Variants in BTBD10 observed in about 807,000 individuals in gnomAD.
BTBD10 encodes BTB domain containing 10, also known as BTB/POZ domain-containing protein 10.
In BTBD10, 21 loss-of-function variants were observed where a neutral mutation model predicts 53.2. That is an observed-to-expected ratio of 0.39 (90% CI 0.28 to 0.57). The LOEUF (loss-of-function observed/expected upper bound fraction) is 0.57, where lower values mean the gene tolerates loss of function less well. Among genes scored for constraint, BTBD10 ranks in the 20% least tolerant of loss-of-function variants. The probability of loss-of-function intolerance (pLI) is 0.53; values close to 1 mark genes in which losing one functional copy is unlikely to be tolerated. For synonymous variants in BTBD10, 149 were observed against 192.7 expected, an observed-to-expected ratio of 0.77 and a Z score of 1.88; for missense variants, 360 against 594.7, an observed-to-expected ratio of 0.61 and a Z score of 4.10.
rs985719343 is a variant in BTBD10 at position 13,437,592 on chromosome 11, C to A, written c.101+7432G>T. On this transcript the variant is annotated intron_variant, in intron 2 of 8. Coordinates refer to ENST00000278174, the MANE Select transcript of BTBD10 (RefSeq NM_032320.7). ...ACTTATTGTTCCCCCACTTTACTCT[C>A]AAGGATATCAAAATGACTTTACCAA... is the stretch of plus-strand genomic sequence containing the variant. 3.3e-5 allele frequency among the ~76,000 whole-genome samples: 5 copies of A among 152,192 alleles called. No individual in the cohort carries two copies. In the East Asian group the frequency reaches 5.8e-4, roughly 18 times the overall value.
At chr11:13,398,845 T>C (rs1949632020) in intron 8 of BTBD10, among the ~76,000 whole-genome samples, 1 of 152,182 alleles carries the variant, frequency 6.6e-6, no homozygotes, top group Non-Finnish European at 1.5e-5. Context: ...GAAAATTCTT[T>C]TCTTTAAGAA....
At chr11:13,425,804 C>T (rs941395470) in intron 2 of BTBD10, among the ~76,000 whole-genome samples, 1 of 152,112 alleles carries the variant, frequency 6.6e-6, no homozygotes, top group Non-Finnish European at 1.5e-5. Context: ...GCTCACTACA[C>T]ACTGTATACA....
At chr11:13,399,334 C>T (rs1021949979) in intron 8 of BTBD10, among the ~76,000 whole-genome samples, 38 of 152,144 alleles carry the variant, frequency 2.5e-4, no homozygotes, top group African/African-American at 8.7e-4. Context: ...TCCAGTTGAT[C>T]GCATCGGCTA....
intron 2 of BTBD10, among the ~76,000 whole-genome samples, chr11:13,433,363 T>G (rs190540682): frequency 2.0e-5 from 3 of 152,218 alleles, no homozygotes; most frequent in Non-Finnish European, 4.4e-5. Context: ...TGTGTTTTTT[T>G]TCCACTGACA....
intron 1 of BTBD10, among the ~76,000 whole-genome samples, chr11:13,460,879 C>T (rs1046066245): frequency 6.6e-6 from 1 of 152,162 alleles, no homozygotes; most frequent in African/African-American, 2.4e-5. Context: ...GCTGCAAATA[C>T]AATAAAGAGC....
At position 13,422,444 on chromosome 11, in the gene BTBD10, T is replaced by C. The variant is rs140975528; in HGVS notation, c.102-606A>G. Among the ~76,000 whole-genome samples, 1,517 of 152,284 alleles carry C rather than the reference T, an allele frequency of 1.0e-2. 25 individuals are homozygous for C. Among genetic ancestry groups the C allele is most frequent in the Non-Finnish European group, 0.012 (820 of 68,010 alleles). On this transcript the variant is annotated intron_variant, in intron 2 of 8. Transcript: ENST00000278174. The stretch of plus-strand genomic sequence containing the variant: ...GGGTGAATCGCTTGAGGTCAGGAGT[T>C]CGAGACCAGCCTGGCCAACATGGCA...
chr11:13,443,292 G>C (rs1215674345), intron 2 of BTBD10, among the ~76,000 whole-genome samples: 2 of 151,294 alleles, frequency 1.3e-5, no homozygotes, highest in African/African-American at 2.4e-5. Context: ...AGTTACTGAT[G>C]TTACAGCTAT....
chr11:13,438,966 G>C (rs1317541362), intron 2 of BTBD10, among the ~76,000 whole-genome samples: 1 of 151,814 alleles, frequency 6.6e-6, no homozygotes, highest in East Asian at 1.9e-4. Flanking sequence ...ACCACGAACA[G>C]AACTATATAA....
At chr11:13,437,355 T>C (rs905529090) in intron 2 of BTBD10, among the ~76,000 whole-genome samples, 1 of 152,214 alleles carries the variant, frequency 6.6e-6, no homozygotes, top group East Asian at 1.9e-4. Flanking sequence ...GCTACCTTAA[T>C]GTATCCTGGT....
intron 2 of BTBD10, among the ~76,000 whole-genome samples, chr11:13,440,788 T>C (rs1018722366): frequency 6.6e-6 from 1 of 152,224 alleles, no homozygotes; most frequent in African/African-American, 2.4e-5. Flanking sequence ...CTGAGTTTTA[T>C]ATGGTCATAT....
At chr11:13,415,808 C>A (rs1339248907) in intron 5 of BTBD10, among the ~76,000 whole-genome samples, 1 of 151,812 alleles carries the variant, frequency 6.6e-6, no homozygotes, top group Admixed American at 6.6e-5. Flanking sequence ...TGCCACTACA[C>A]CTAGCTAATT....
At chr11:13,447,283 G>T (rs1436179943) in intron 1 of BTBD10, among the ~76,000 whole-genome samples, 3 of 152,096 alleles carry the variant, frequency 2.0e-5, no homozygotes, top group Non-Finnish European at 4.4e-5. Context: ...TCGAGACAGG[G>T]TCTCAATCTG....
chr11:13,390,388 G>C (rs992967857), intron 8 of BTBD10, among the ~76,000 whole-genome samples: 2 of 151,748 alleles, frequency 1.3e-5, no homozygotes, highest in African/African-American at 4.8e-5. Context: ...CTGTCACCCA[G>C]GCTGGAATGC....
intron 2 of BTBD10, among the ~76,000 whole-genome samples, chr11:13,426,648 G>T (rs1253039784): frequency 1.3e-5 from 2 of 152,048 alleles, no homozygotes; most frequent in African/African-American, 2.4e-5. Context: ...TCACTTGAAG[G>T]TATACTGTGA....
chr11:13,455,501 C>A (rs553472409), intron 1 of BTBD10, among the ~76,000 whole-genome samples: 2 of 152,282 alleles, frequency 1.3e-5, no homozygotes, highest in East Asian at 3.9e-4. Context: ...ACCTACATTA[C>A]ATGATTAGCA....
intron 2 of BTBD10, among the ~76,000 whole-genome samples, chr11:13,424,985 G>GA (rs1950309665): frequency 6.6e-6 from 1 of 152,122 alleles, no homozygotes; most frequent in South Asian, 2.1e-4. Context: ...AGTTCTAAGG[G>GA]AAAAGTACCA....
chr11:13,438,728 T>C (rs1565263111), intron 2 of BTBD10, among the ~76,000 whole-genome samples: 1 of 151,994 alleles, frequency 6.6e-6, no homozygotes, highest in Non-Finnish European at 1.5e-5. Flanking sequence ...TATTTTCATT[T>C]TCTTCTATAT....
At chr11:13,435,973 T>C (rs1307979608) in intron 2 of BTBD10, among the ~76,000 whole-genome samples, 2 of 152,224 alleles carry the variant, frequency 1.3e-5, no homozygotes, top group South Asian at 2.1e-4. Flanking sequence ...AAATGATTTC[T>C]ATCAGAGGCC....
chr11:13,399,016 G>T (rs1461064316), intron 8 of BTBD10, among the ~76,000 whole-genome samples: 1 of 152,066 alleles, frequency 6.6e-6, no homozygotes, highest in African/African-American at 2.4e-5. Context: ...TGACAATTAC[G>T]TGTCTTGGAG....
Sources: allele counts gnomAD v4.1 joint callset (sites outside exome capture counted in the v4.1 genomes callset), GRCh38; gene constraint gnomAD v4.1.1; transcripts MANE v1.5; gene names NCBI Gene and HGNC (gene_info 2026-07-23, HGNC 2026-07-21).